The following BBS1 variants were observed in gnomAD, a reference collection of about 807,000 sequenced individuals.
The protein encoded by BBS1 is Bardet-Biedl syndrome 1, also known as BBSome complex member BBS1.
Under a neutral mutation model 73.9 loss-of-function variants are expected in BBS1, and 60 were observed. The ratio of observed to expected loss-of-function variants is 0.81; its 90% CI spans 0.66 to 1.01. BBS1 has a LOEUF of 1.01. Among genes scored for constraint, BBS1 ranks in the 50% least tolerant of loss-of-function variants. BBS1 has a pLI of 0.00. For synonymous variants in BBS1, 283 were observed against 317.4 expected (o/e 0.89, Z 1.15); for missense variants, 718 against 770.3 (o/e 0.93, Z 0.80).
chr11:66,524,978 A>T (rs545301538), intron 11 of BBS1, among the ~76,000 whole-genome samples: 1 of 152,146 alleles, frequency 6.6e-6, no homozygotes, highest in African/African-American at 2.4e-5. Flanking sequence ...AGGCAGGCAG[A>T]TCACAAGGTC....
rs1394317724 is a variant in BBS1 at position 66,530,911 on chromosome 11, C to T, written c.1491C>T (p.Pro497=). 1 of 1,614,224 alleles carries T rather than the reference C, an allele frequency of 6.2e-7. No individual in the cohort carries two copies. Among genetic ancestry groups the T allele is most frequent in the Non-Finnish European group, 8.5e-7 (1 of 1,180,040 alleles). Residue 497 remains proline, a synonymous_variant, in exon 15 of 17, where the codon CCC becomes CCT. Transcript: ENST00000318312. ...CTCCATAGGTTCAGGGCCTTGGCCC[C>T]ACCTTTAAGCTCACACTTCACCTGC... ...KLHAVVQGLG[P]TFKLTLHLQN...
Position 66,521,355 on chromosome 11 carries a change from G to A in BBS1, c.809G>A (p.Gly270Glu). The A allele has an allele frequency of 1.2e-6, 2 of 1,614,178 alleles. No individual in the cohort carries two copies. Among genetic ancestry groups the A allele is most frequent in the Non-Finnish European group, 1.7e-6 (2 of 1,179,996 alleles). The change falls in exon 9 of 17, where the codon GGA becomes GAA. Residue 270 changes from glycine to glutamate, a missense_variant. Gly to Glu is a moderately conservative substitution (Grantham distance 98). Coordinates refer to ENST00000318312, the MANE Select transcript of BBS1 (RefSeq NM_024649.5). ...CGGCTTGCCGCGGCCTGCCGCAATGGAAACATCTATATTCTGAGAAGGTAG... is the reference window on the plus strand; with the variant it reads ...CGGCTTGCCGCGGCCTGCCGCAATGAAAACATCTATATTCTGAGAAGGTAG... ...EFRLAAACRN[G>E]NIYILRRDSK...
In BBS1 at chr11:66,515,898, G is replaced by A. The variant is rs1856039189; in HGVS notation, c.556G>A (p.Val186Ile). Reference protein sequence around the residue: ...QLELSEMEAFVNQHKSNSIKR... With the variant: ...QLELSEMEAFINQHKSNSIKR... ...GGAGCTAAGTGAAATGGAGGCATTT[G>A]TAAACCAACACAAGTCCAACTCCAT... Residue 186 changes from valine to isoleucine, a missense_variant, in exon 7 of 17, where the codon GTA becomes ATA. Transcript: ENST00000318312. 1.9e-6 allele frequency: 3 copies of A among 1,614,178 alleles called. No individual in the cohort carries two copies. Among genetic ancestry groups the A allele is most frequent in the South Asian group, 1.1e-5 (1 of 91,080 alleles).
At chr11:66,516,292 A>T (rs1437089805) in intron 7 of BBS1, among the ~76,000 whole-genome samples, 1 of 151,726 alleles carries the variant, frequency 6.6e-6, no homozygotes, top group Non-Finnish European at 1.5e-5. Context: ...CACCCAGCTA[A>T]TTTTTGTATT....
At chr11:66,511,308 GGC>G (rs1261285226) in intron 3 of BBS1, 69 bp downstream of exon 3, 162 of 1,567,176 alleles carry the variant, frequency 1.0e-4, no homozygotes, top group Non-Finnish European at 1.4e-4. Context: ...ATTTCCTGAC[GGC>G]TGAAAATAGG....
At chr11:66,513,103 T>G (rs964748737) in intron 3 of BBS1, among the ~76,000 whole-genome samples, 1 of 150,604 alleles carries the variant, frequency 6.6e-6, no homozygotes, top group Admixed American at 6.6e-5. Context: ...TGTGGGGAAG[T>G]GAGTAGATGC....
At chr11:66,531,869 G>T in intron 16 of BBS1, 82 bp from the exon 17 acceptor site, 1 of 1,591,486 alleles carries the variant, frequency 6.3e-7, no homozygotes, top group Non-Finnish European at 8.6e-7. Context: ...GTGGAGCCCT[G>T]TGGCCTGTCA....
rs1052763574 is a variant in BBS1, at chr11:66,530,065, C to T, written c.1473+113C>T. 15 of 1,453,896 alleles carry T rather than the reference C, an allele frequency of 1.0e-5. No individual in the cohort carries two copies. The African/African-American group carries it at 1.1e-4, about 11-fold the overall frequency. The allele number at this position is 1,453,896 out of a possible 1,614,324, so 90.1% of individuals were successfully genotyped here. A position where few individuals can be genotyped will look rare whatever the true frequency, so the allele number is the denominator to read the frequency against. Reference sequence around the variant, plus strand: ...GAGCCAATTCCAAGCCAACTCAGCCCGTGCTCCCCATCACCTTCCCGCAGA... The same window carrying T: ...GAGCCAATTCCAAGCCAACTCAGCCTGTGCTCCCCATCACCTTCCCGCAGA... On this transcript the variant is annotated intron_variant, in intron 14 of 16. Transcript: ENST00000318312.
rs1359897305 is a variant in BBS1, at chr11:66,533,063, G to C, written c.*1026G>C. On this transcript the variant is annotated 3_prime_UTR_variant, in exon 17 of 17. Transcript: ENST00000318312. The stretch of plus-strand genomic sequence containing the variant: ...GGATGAAATGGGAGACATATGCCCA[G>C]CACCTGATGTAAGTTTATATAATGT... The C allele has an allele frequency of 6.6e-6, 1 of 152,170 alleles. No homozygotes were observed. The highest frequency in any genetic ancestry group is 1.5e-5 in the Non-Finnish European group (1 of 68,040). The allele number at this position is 152,170 out of a possible 1,614,324, so 9.4% of individuals were successfully genotyped here. A position where few individuals can be genotyped will look rare whatever the true frequency, so the allele number is the denominator to read the frequency against.
In BBS1 at chr11:66,514,643, C is replaced by T; in HGVS notation, c.397C>T (p.Pro133Ser). The T allele has an allele frequency of 3.7e-6, 6 of 1,613,166 alleles. No individual in the cohort carries two copies. The highest frequency in any genetic ancestry group is 5.1e-6 in the Non-Finnish European group (6 of 1,180,020). The change falls in exon 4 of 17, where the codon CCT becomes TCT. Residue 133 changes from proline to serine, a missense_variant. Transcript: ENST00000318312. ...KFSLPQLPPN[P>S]LEQDLWNQAK... is the part of the protein sequence containing the mutation. ...CAGCCTGCCCCAATTGCCTCCAAAT[C>T]CTCTGGAACAAGACCTTTGGAACCA...
intron 7 of BBS1, among the ~76,000 whole-genome samples, chr11:66,519,234 G>A (rs1432531041): frequency 2.6e-5 from 4 of 152,178 alleles, no homozygotes; most frequent in Admixed American, 2.6e-4. Flanking sequence ...AGCTGGGCAC[G>A]GTGGCGTGCG....
chr11:66,511,123 G>C (rs758232535), intron 2 of BBS1, 34 bp downstream of exon 2: 1 of 1,613,948 alleles, frequency 6.2e-7, no homozygotes, highest in Non-Finnish European at 8.5e-7. Flanking sequence ...CTGGGTTCTA[G>C]TGGGATGGGG....
chr11:66,526,564 G>T (rs1282814746), intron 12 of BBS1, 85 bp from the exon 13 acceptor site: 3 of 1,569,424 alleles, frequency 1.9e-6, no homozygotes, highest in East Asian at 2.2e-5. Flanking sequence ...CAACTCTATA[G>T]GAGGCAGATT....
intron 7 of BBS1, among the ~76,000 whole-genome samples, 189 bp downstream of exon 7, chr11:66,516,122 C>CTTTTTT (rs35735110): frequency 4.0e-5 from 4 of 99,360 alleles, no homozygotes; most frequent in Non-Finnish European, 5.9e-5. Flanking sequence ...GTAGTGACAG[C>CTTTTTT]TTTTTTTTTT....
Position 66,531,976 on chromosome 11 carries a change from G to T in BBS1, c.1721G>T (p.Ser574Ile). The change falls in exon 17 of 17, where the codon AGT (serine) becomes ATT (isoleucine). Residue 574 changes from serine (S) to isoleucine (I), a missense_variant. Physicochemically the swap from Ser to Ile is moderately radical, Grantham distance 142. Transcript: ENST00000318312. Reference protein sequence around the residue: ...IKVLVLREGQSAPLLSAHVNM... With the variant: ...IKVLVLREGQIAPLLSAHVNM... ...GTGCTGGTGCTTCGAGAAGGCCAAAGTGCACCCCTGCTGAGTGCCCACGTC... is the reference window on the plus strand; with the variant it reads ...GTGCTGGTGCTTCGAGAAGGCCAAATTGCACCCCTGCTGAGTGCCCACGTC... The T allele has an allele frequency of 6.2e-7, 1 of 1,604,230 alleles. No individual in the cohort carries two copies. The highest frequency in any genetic ancestry group is 8.5e-7 in the Non-Finnish European group (1 of 1,175,932).
intron 2 of BBS1, 25 bp downstream of exon 2, chr11:66,511,114 T>G (rs778942389): frequency 6.2e-7 from 1 of 1,613,902 alleles, no homozygotes; most frequent in Admixed American, 1.7e-5. Context: ...CCAGGAACCC[T>G]GGGTTCTAGT....
At chr11:66,524,796 T>C (rs1424778155) in intron 11 of BBS1, among the ~76,000 whole-genome samples, 1 of 152,020 alleles carries the variant, frequency 6.6e-6, no homozygotes, top group African/African-American at 2.4e-5. Context: ...GCCAGGCACA[T>C]TGGCTCACAC....
rs1371485927 is a variant in BBS1 at position 66,511,068 on chromosome 11, C to T, written c.103C>T (p.His35Tyr). The T allele has an allele frequency of 3.1e-6, 5 of 1,614,032 alleles. No individual in the cohort carries two copies. Among genetic ancestry groups the T allele is most frequent in the African/African-American group, 1.3e-5 (1 of 74,906 alleles). Reference protein sequence around the residue: ...DAHYDPMANIHTFSACLALAD... With the variant: ...DAHYDPMANIYTFSACLALAD... ...GCACTACGACCCAATGGCCAATATC[C>T]ACACCTTTTCTGCCTGCCTAGGTGA... The change falls in exon 2 of 17, where the codon CAC becomes TAC. Residue 35 changes from histidine to tyrosine, a missense_variant. His to Tyr is a moderately conservative substitution (Grantham distance 83). Transcript: ENST00000318312.
intron 7 of BBS1, among the ~76,000 whole-genome samples, chr11:66,518,193 G>T (rs571434196): frequency 4.6e-5 from 7 of 151,814 alleles, no homozygotes; most frequent in African/African-American, 1.7e-4. Context: ...CCAACCTCAC[G>T]TGATCCACCC....
Sources: gnomAD v4.1 joint callset for allele counts (sites outside exome capture counted in the v4.1 genomes callset) on GRCh38, gnomAD v4.1.1 for gene constraint, MANE v1.5 for transcripts, NCBI Gene and HGNC (gene_info 2026-07-23, HGNC 2026-07-21) for gene names.